ITSN1: variants seen among roughly 807,000 people sequenced by gnomAD.
The protein encoded by ITSN1 is intersectin 1.
ITSN1 carries 58 observed loss-of-function variants against 239.8 expected under a neutral mutation model. The ratio of observed to expected loss-of-function variants is 0.24; its 90% CI spans 0.20 to 0.30. ITSN1 has a LOEUF of 0.30. ITSN1 is among the 10% of genes least tolerant of loss of function. The pLI, the probability that ITSN1 is intolerant of heterozygous loss-of-function variation, is 1.00. For missense variants in ITSN1, 1,558 were observed against 2,103.3 expected (o/e 0.74, Z 5.07); for synonymous variants, 780 against 770.8 (o/e 1.01, Z -0.20).
chr21:33,795,238 C>G (rs1317472753), intron 17 of ITSN1, among the ~76,000 whole-genome samples: 2 of 152,120 alleles, frequency 1.3e-5, no homozygotes, highest in South Asian at 2.1e-4. Context: ...ATCACGAGGT[C>G]AAGATATTAG....
intron 1 of ITSN1, among the ~76,000 whole-genome samples, chr21:33,668,493 C>T (rs1384412756): frequency 1.3e-5 from 2 of 152,182 alleles, no homozygotes; most frequent in Admixed American, 6.5e-5. Context: ...CCCTTTTGCT[C>T]TTCTTACTAT....
chr21:33,851,391 T>C (rs1327092592), intron 29 of ITSN1, among the ~76,000 whole-genome samples: 1 of 151,834 alleles, frequency 6.6e-6, no homozygotes, highest in Non-Finnish European at 1.5e-5. Context: ...GGCTCTTTTT[T>C]CTTTTCTTTT....
At chr21:33,798,258 C>T (rs983970186) in intron 18 of ITSN1, among the ~76,000 whole-genome samples, 17 of 148,950 alleles carry the variant, frequency 1.1e-4, no homozygotes, top group Non-Finnish European at 2.1e-4. Context: ...CCACCATGCC[C>T]AGCTAATTTT....
chr21:33,773,233 C>T (rs2069314299), intron 12 of ITSN1, among the ~76,000 whole-genome samples: 1 of 152,080 alleles, frequency 6.6e-6, no homozygotes, highest in Non-Finnish European at 1.5e-5. Flanking sequence ...ATCTCGAGCT[C>T]CTGACCTCGG....
intron 5 of ITSN1, chr21:33,735,427 G>A: frequency 1.7e-6 from 1 of 595,306 alleles, no homozygotes; most frequent in Middle Eastern, 4.6e-4. Context: ...AGAGATGCAG[G>A]CCGCCAGTCA....
At chr21:33,831,095 G>C (rs949100176) in intron 27 of ITSN1, among the ~76,000 whole-genome samples, 15 of 152,172 alleles carry the variant, frequency 9.9e-5, no homozygotes, top group Non-Finnish European at 2.2e-4. Flanking sequence ...TACTTGAGAG[G>C]TAAGCCAGCT....
intron 1 of ITSN1, among the ~76,000 whole-genome samples, chr21:33,675,891 A>G (rs1568910220): frequency 6.6e-6 from 1 of 152,220 alleles, no homozygotes; most frequent in Non-Finnish European, 1.5e-5. Context: ...ACTTAGGGAC[A>G]TTAATTCCTT....
At chr21:33,664,285 A>G (rs922206497) in intron 1 of ITSN1, among the ~76,000 whole-genome samples, 7 of 152,184 alleles carry the variant, frequency 4.6e-5, no homozygotes, top group African/African-American at 1.7e-4. Flanking sequence ...GAATCCTCAT[A>G]CATTGTTGGT....
At chr21:33,829,290 T>C in intron 26 of ITSN1, 4 of 346,584 alleles carry the variant, frequency 1.2e-5, no homozygotes, top group South Asian at 1.0e-4. Context: ...CTCAGGGCAT[T>C]CTGGGTAATT....
intron 1 of ITSN1, among the ~76,000 whole-genome samples, chr21:33,666,331 G>A (rs1483811814): frequency 6.6e-6 from 1 of 152,150 alleles, no homozygotes; most frequent in Non-Finnish European, 1.5e-5. Context: ...TATTTGGGGT[G>A]ATGAAAATGT....
At chr21:33,841,396 A>C (rs2074817889) in intron 29 of ITSN1, among the ~76,000 whole-genome samples, 1 of 152,262 alleles carries the variant, frequency 6.6e-6, no homozygotes, top group Non-Finnish European at 1.5e-5. Flanking sequence ...AGGTTAAAAA[A>C]AAATGCCTAT....
rs1311552926 is a variant in ITSN1 at position 33,888,396 on chromosome 21, A to T, written c.*96A>T. 2.3e-6 allele frequency: 3 copies of T among 1,307,480 alleles called. No individual in the cohort carries two copies. Among genetic ancestry groups the T allele is most frequent in the Admixed American group, 2.3e-5 (1 of 42,822 alleles). 81.0% of individuals were successfully genotyped at this position (1,307,480 alleles called of 1,614,324 possible). A position where few individuals can be genotyped will look rare whatever the true frequency, so the allele number is the denominator to read the frequency against. On this transcript the variant is annotated 3_prime_UTR_variant, in exon 40 of 40. Coordinates refer to ENST00000381318, the MANE Select transcript of ITSN1 (RefSeq NM_003024.3). ...CTTTTCTAAGAAACCACCATTTGGT[A>T]TTCAGTCACAGGGATATGGGATGGC...
At chr21:33,763,631 G>C (rs916608647) in intron 9 of ITSN1, among the ~76,000 whole-genome samples, 3 of 150,576 alleles carry the variant, frequency 2.0e-5, no homozygotes, top group Admixed American at 2.0e-4. Flanking sequence ...TTTTTTTTTT[G>C]TTTTGTTGTT....
intron 8 of ITSN1, among the ~76,000 whole-genome samples, chr21:33,756,156 C>T (rs901733424): frequency 3.3e-5 from 5 of 151,598 alleles, no homozygotes; most frequent in South Asian, 4.2e-4. Context: ...AAAAATTAGC[C>T]GGGTGTGGTG....
At chr21:33,718,963 G>T (rs1047717548) in intron 2 of ITSN1, 107 bp downstream of exon 2, 10 of 848,998 alleles carry the variant, frequency 1.2e-5, no homozygotes, top group Non-Finnish European at 1.7e-5. Context: ...AATATAATCA[G>T]CATTCATGTA....
At chr21:33,855,197 G>A (rs41386447) in intron 29 of ITSN1, among the ~76,000 whole-genome samples, 1 of 152,206 alleles carries the variant, frequency 6.6e-6, no homozygotes, top group Non-Finnish European at 1.5e-5. Flanking sequence ...GCCAGAGCAG[G>A]CTTCTTGAAC....
chr21:33,878,038 G>A lies in ITSN1; in HGVS notation c.4341+2517G>A, dbSNP rs947958783. Among the ~76,000 whole-genome samples the A allele has an allele frequency of 3.0e-4, 44 of 149,136 alleles. 1 individual carries two copies. Among genetic ancestry groups the A allele is most frequent in the Admixed American group, 2.5e-3 (38 of 14,932 alleles). On this transcript the variant is annotated intron_variant, in intron 34 of 39. Coordinates refer to ENST00000381318, the MANE Select transcript of ITSN1 (RefSeq NM_003024.3). ...TGTGTGTGTGTGTGTGTGTGTGTGT[G>A]TGTGTGTGTTTGTTTTAGTCAGGGT... is the stretch of plus-strand genomic sequence containing the variant.
At chr21:33,815,492 T>C (rs1267201812) in intron 22 of ITSN1, among the ~76,000 whole-genome samples, 1 of 151,902 alleles carries the variant, frequency 6.6e-6, no homozygotes, top group African/African-American at 2.4e-5. Flanking sequence ...TTGTGACAGG[T>C]AGAGCTTTGT....
intron 1 of ITSN1, among the ~76,000 whole-genome samples, chr21:33,711,964 A>G (rs1314187214): frequency 6.6e-6 from 1 of 152,130 alleles, no homozygotes; most frequent in African/African-American, 2.4e-5. Flanking sequence ...GATGTTTGCC[A>G]TTTCTTTTGC....
Sources: gnomAD v4.1 joint callset for allele counts (sites outside exome capture counted in the v4.1 genomes callset) on GRCh38, gnomAD v4.1.1 for gene constraint, MANE v1.5 for transcripts, NCBI Gene and HGNC (gene_info 2026-07-23, HGNC 2026-07-21) for gene names.